GRID2: variants seen among roughly 807,000 people sequenced by gnomAD.
GRID2 encodes glutamate ionotropic receptor delta type subunit 2.
In GRID2, 33 loss-of-function variants were observed where a neutral mutation model predicts 114.8. That is an observed-to-expected ratio of 0.29 (90% CI 0.22 to 0.38). GRID2 has a LOEUF of 0.38. Among genes scored for constraint, GRID2 ranks in the 10% least tolerant of loss-of-function variants. GRID2 has a pLI of 1.00. For synonymous variants in GRID2, 505 were observed against 449.9 expected (o/e 1.12, Z -1.55); for missense variants, 1,184 against 1,257.7 (o/e 0.94, Z 0.89).
intron 2 of GRID2, among the ~76,000 whole-genome samples, chr4:92,761,037 T>C (rs1737985972): frequency 6.6e-6 from 1 of 152,184 alleles, no homozygotes; most frequent in South Asian, 2.1e-4. Context: ...CTCTATTTCA[T>C]GTGTTTGATT....
At chr4:92,359,693 G>A (rs191353969) in intron 1 of GRID2, among the ~76,000 whole-genome samples, 85 of 152,102 alleles carry the variant, frequency 5.6e-4, no homozygotes, top group African/African-American at 1.9e-3. Context: ...TTAGACGGGT[G>A]TTTAGGAATT....
At position 93,317,873 on chromosome 4, in the gene GRID2, C is replaced by T. The variant is rs145048784; in HGVS notation, c.1246-77734C>T. ...GTTTCCTGCATTGATGTTAAGTGCA[C>T]AATTTTCTCTCACTAAATAAATATA... On this transcript the variant is annotated intron_variant, in intron 8 of 15. Coordinates refer to ENST00000282020, the MANE Select transcript of GRID2 (RefSeq NM_001510.4). Among the ~76,000 whole-genome samples the T allele has an allele frequency of 4.2e-3, 628 of 150,780 alleles. 3 individuals are homozygous for T. Among genetic ancestry groups the T allele is most frequent in the African/African-American group, 0.015 (602 of 41,154 alleles).
At chr4:92,950,264 T>C (rs1397938079) in intron 2 of GRID2, among the ~76,000 whole-genome samples, 1 of 152,154 alleles carries the variant, frequency 6.6e-6, no homozygotes. Context: ...AAATATGTGT[T>C]TGGAGATTTT....
intron 2 of GRID2, among the ~76,000 whole-genome samples, chr4:93,029,347 T>C (rs1724174494): frequency 6.6e-6 from 1 of 152,122 alleles, no homozygotes; most frequent in Non-Finnish European, 1.5e-5. Flanking sequence ...TTTAATACAG[T>C]AGATTCACTA....
chr4:92,375,259 G>A (rs1185781167), intron 1 of GRID2, among the ~76,000 whole-genome samples: 1 of 152,086 alleles, frequency 6.6e-6, no homozygotes, highest in African/African-American at 2.4e-5. Flanking sequence ...GAAAGACATA[G>A]AATCATGTTC....
intron 8 of GRID2, among the ~76,000 whole-genome samples, chr4:93,256,566 G>C (rs1314391686): frequency 6.6e-6 from 1 of 151,674 alleles, no homozygotes; most frequent in African/African-American, 2.4e-5. Flanking sequence ...GTCACAGGTT[G>C]CTTCAAGATC....
intron 2 of GRID2, among the ~76,000 whole-genome samples, chr4:92,972,365 A>T (rs1422152044): frequency 3.3e-5 from 5 of 152,106 alleles, no homozygotes; most frequent in Admixed American, 3.3e-4. Context: ...CAAAATTTTA[A>T]GAAGATATTT....
intron 1 of GRID2, among the ~76,000 whole-genome samples, chr4:92,436,200 G>A (rs1732728260): frequency 6.6e-6 from 1 of 152,010 alleles, no homozygotes; most frequent in South Asian, 2.1e-4. Flanking sequence ...ATAAATAATG[G>A]CAATGTGTAC....
chr4:93,177,414 C>T (rs1739450917), intron 4 of GRID2, among the ~76,000 whole-genome samples: 1 of 152,076 alleles, frequency 6.6e-6, no homozygotes, highest in African/African-American at 2.4e-5. Flanking sequence ...AACATTCTAT[C>T]ATTATCCTCA....
intron 1 of GRID2, among the ~76,000 whole-genome samples, chr4:92,493,120 T>C (rs1391654856): frequency 2.5e-5 from 3 of 118,834 alleles, no homozygotes; most frequent in Admixed American, 1.0e-4. Context: ...AGAGCAAGAC[T>C]CCATCTCAAA....
chr4:92,626,434 T>G (rs1182298837), intron 2 of GRID2, among the ~76,000 whole-genome samples: 1 of 151,866 alleles, frequency 6.6e-6, no homozygotes, highest in East Asian at 1.9e-4. Context: ...GGAGTAAGTT[T>G]AAAACGAAAA....
intron 13 of GRID2, among the ~76,000 whole-genome samples, chr4:93,564,328 T>A (rs1735206132): frequency 6.6e-6 from 1 of 151,998 alleles, no homozygotes. Context: ...TTTTGTTTCA[T>A]TTTCCTTTCC....
intron 2 of GRID2, among the ~76,000 whole-genome samples, chr4:92,926,222 A>G (rs922050222): frequency 2.6e-5 from 4 of 152,024 alleles, no homozygotes; most frequent in Non-Finnish European, 4.4e-5. Context: ...AAATAACTAC[A>G]AGGAAAATGC....
intron 2 of GRID2, among the ~76,000 whole-genome samples, chr4:92,786,290 CT>C (rs1310412065): frequency 1.3e-5 from 2 of 151,642 alleles, no homozygotes; most frequent in South Asian, 2.1e-4. Flanking sequence ...TTTACAGTTC[CT>C]TTTTGGGGTT....
intron 2 of GRID2, among the ~76,000 whole-genome samples, chr4:92,762,833 C>T (rs776108177): frequency 4.6e-5 from 7 of 152,182 alleles, no homozygotes; most frequent in Admixed American, 1.3e-4. Flanking sequence ...GCCACACTGA[C>T]GTAGGGGATT....
chr4:93,375,430 C>T (rs902479030), intron 8 of GRID2, among the ~76,000 whole-genome samples: 4 of 152,014 alleles, frequency 2.6e-5, no homozygotes, highest in African/African-American at 9.7e-5. Flanking sequence ...CCAGGCTGGT[C>T]TTGAACTCCT....
At chr4:93,107,308 T>A (rs921112496) in intron 3 of GRID2, among the ~76,000 whole-genome samples, 1 of 151,930 alleles carries the variant, frequency 6.6e-6, no homozygotes, top group African/African-American at 2.4e-5. Flanking sequence ...CAAAAATAAA[T>A]ATAAACAAAT....
chr4:92,310,854 A>G (rs1725667957), intron 1 of GRID2, among the ~76,000 whole-genome samples: 1 of 152,008 alleles, frequency 6.6e-6, no homozygotes. Flanking sequence ...GCTATATTTA[A>G]TAGCTGCCTT....
rs997309760 is a variant in GRID2 at position 92,652,514 on chromosome 4, C to CA, written c.244+62239dup. 2.6e-3 allele frequency among the ~76,000 whole-genome samples: 372 copies of CA among 141,918 alleles called. 1 individual carries two copies. Among genetic ancestry groups the CA allele is most frequent in the African/African-American group, 7.1e-3 (274 of 38,804 alleles). 93.1% of individuals were successfully genotyped at this position (141,918 alleles called of 152,430 possible). The stretch of plus-strand genomic sequence containing the variant: ...GCACCATTTTATGACCCTGTCTCTA[C>CA]AAAAAAAAAAATTAAAAGTTAGCCA... On this transcript the variant is annotated intron_variant, in intron 2 of 15. Transcript: ENST00000282020.
Sources: gnomAD v4.1 joint callset for allele counts (sites outside exome capture counted in the v4.1 genomes callset) on GRCh38, gnomAD v4.1.1 for gene constraint, MANE v1.5 for transcripts, NCBI Gene and HGNC (gene_info 2026-07-23, HGNC 2026-07-21) for gene names.